The following NSD1 variants were observed in gnomAD, a reference collection of about 807,000 sequenced individuals.
The protein encoded by NSD1 is nuclear receptor binding SET domain protein 1.
Under a neutral mutation model 242.7 loss-of-function variants are expected in NSD1, and 26 were observed. The observed-to-expected ratio is 0.11, with a 90% CI of 0.08 to 0.15. The LOEUF is 0.15. NSD1 is among the 10% of genes least tolerant of loss of function. NSD1 has a pLI of 1.00. For synonymous variants in NSD1, 1,106 were observed against 1,178.1 expected, an observed-to-expected ratio of 0.94 and a Z score of 1.25; for missense variants, 2,495 against 3,272.8, an observed-to-expected ratio of 0.76 and a Z score of 5.80.
At chr5:177,212,226 A>G in intron 5 of NSD1, 31 bp downstream of exon 5, 1 of 1,604,222 alleles carries the variant, frequency 6.2e-7, no homozygotes, top group Non-Finnish European at 8.5e-7. Context: ...TAAAAAAAAA[A>G]AAATTGGAGA....
chr5:177,296,230 G>A lies in NSD1; in HGVS notation c.*771G>A, dbSNP rs1004096331. 4.2e-6 allele frequency: 1 copy of A among 235,718 alleles called. No individual in the cohort carries two copies. Among genetic ancestry groups the A allele is most frequent in the African/African-American group, 2.2e-5 (1 of 45,372 alleles). 14.6% of individuals were successfully genotyped at this position (235,718 alleles called of 1,614,324 possible). A position where few individuals can be genotyped will look rare whatever the true frequency, so the allele number is the denominator to read the frequency against. ...GGGTCGCCGCTGCTGCTTTTGTCTG[G>A]GCTGTGCAGAGTCTCAAGATCAGTC... On this transcript the variant is annotated 3_prime_UTR_variant, in exon 23 of 23. Transcript: ENST00000439151.
At chr5:177,195,524 G>A (rs1053614673) in intron 3 of NSD1, among the ~76,000 whole-genome samples, 3 of 152,124 alleles carry the variant, frequency 2.0e-5, no homozygotes, top group Non-Finnish European at 2.9e-5. Context: ...CTAGAATGCA[G>A]TGGCGTGATC....
intron 2 of NSD1, among the ~76,000 whole-genome samples, chr5:177,173,636 G>T (rs566990814): frequency 6.6e-6 from 1 of 151,978 alleles, no homozygotes; most frequent in Non-Finnish European, 1.5e-5. Context: ...ACCACACCCA[G>T]CTAATTTTGT....
At chr5:177,146,715 A>G (rs1481496377) in intron 2 of NSD1, among the ~76,000 whole-genome samples, 1 of 151,848 alleles carries the variant, frequency 6.6e-6, no homozygotes, top group Non-Finnish European at 1.5e-5. Flanking sequence ...TCAACTTTCT[A>G]AATGTTCGCT....
intron 14 of NSD1, among the ~76,000 whole-genome samples, chr5:177,261,007 C>T (rs1035950467): frequency 1.1e-4 from 17 of 152,102 alleles, no homozygotes; most frequent in African/African-American, 4.1e-4. Flanking sequence ...TATATTTTCT[C>T]ATTGTAAGAA....
intron 9 of NSD1, among the ~76,000 whole-genome samples, chr5:177,246,215 C>T (rs148850115): frequency 3.5e-4 from 53 of 152,154 alleles, no homozygotes; most frequent in African/African-American, 1.2e-3. Flanking sequence ...TGTGATCTGC[C>T]GGCCTCAGCC....
intron 3 of NSD1, among the ~76,000 whole-genome samples, chr5:177,197,661 G>T (rs940797463): frequency 1.3e-5 from 2 of 152,140 alleles, no homozygotes; most frequent in African/African-American, 4.8e-5. Flanking sequence ...TGTAATAAAA[G>T]TTATGGGAAT....
At chr5:177,293,567 T>C (rs956990903) in intron 22 of NSD1, among the ~76,000 whole-genome samples, 1 of 124,304 alleles carries the variant, frequency 8.0e-6, no homozygotes, top group African/African-American at 3.0e-5. Context: ...GAAATAGTCA[T>C]AGAAATACCA....
intron 14 of NSD1, among the ~76,000 whole-genome samples, chr5:177,264,065 C>G (rs1757221766): frequency 1.8e-5 from 1 of 56,484 alleles, no homozygotes. Context: ...GAGATGGAGT[C>G]TGGCTGTGTC....
At chr5:177,173,078 G>A (rs941208655) in intron 2 of NSD1, among the ~76,000 whole-genome samples, 1 of 151,650 alleles carries the variant, frequency 6.6e-6, no homozygotes, top group Non-Finnish European at 1.5e-5. Context: ...CAGATCACGA[G>A]GTCAGGAGAT....
intron 13 of NSD1, among the ~76,000 whole-genome samples, chr5:177,257,665 A>G (rs1314075617): frequency 1.3e-5 from 2 of 152,170 alleles, no homozygotes; most frequent in East Asian, 3.9e-4. Context: ...CAGCCAGGCA[A>G]TGCCAGGGCT....
At chr5:177,236,896 G>C (rs1297166521) in intron 6 of NSD1, among the ~76,000 whole-genome samples, 1 of 152,206 alleles carries the variant, frequency 6.6e-6, no homozygotes, top group Non-Finnish European at 1.5e-5. Context: ...GTGCAGAGAT[G>C]CACGAACACG....
rs747328206 is a variant in NSD1 at position 177,209,776 on chromosome 5, C to T, written c.1377C>T (p.Asp459=). 9.9e-6 allele frequency: 16 copies of T among 1,614,156 alleles called. No homozygotes were observed. The highest frequency in any genetic ancestry group is 6.8e-6 in the Non-Finnish European group (8 of 1,180,018). ...GTGAAGAAGATATGCCATTTGAAGA[C>T]TGCACAAATGATCCTGAGTCAGAAC... is the stretch of plus-strand genomic sequence containing the variant. ...LDSEEDMPFE[D]CTNDPESEHD... The change falls in exon 5 of 23, where the codon GAC becomes GAT. Residue 459 remains aspartate, a synonymous_variant. Coordinates refer to ENST00000439151, the MANE Select transcript of NSD1 (RefSeq NM_022455.5).
At chr5:177,222,572 T>A (rs368484832) in intron 5 of NSD1, among the ~76,000 whole-genome samples, 2 of 152,352 alleles carry the variant, frequency 1.3e-5, no homozygotes, top group South Asian at 2.1e-4. Context: ...GATTTTCATT[T>A]GCATTCCTCT....
intron 5 of NSD1, among the ~76,000 whole-genome samples, chr5:177,224,078 G>C (rs1476451765): frequency 2.0e-5 from 3 of 152,198 alleles, no homozygotes; most frequent in Admixed American, 2.0e-4. Context: ...TAATTTTACT[G>C]TGTTTCTGAA....
chr5:177,154,237 A>C (rs1757947911), intron 2 of NSD1, among the ~76,000 whole-genome samples: 1 of 151,990 alleles, frequency 6.6e-6, no homozygotes, highest in South Asian at 2.1e-4. Flanking sequence ...AGATGCAGTA[A>C]CTTTTTATGA....
At chr5:177,158,981 C>CATATATGAATGATTTTATATATAT (rs1758449378) in intron 2 of NSD1, among the ~76,000 whole-genome samples, 1 of 121,618 alleles carries the variant, frequency 8.2e-6, no homozygotes, top group African/African-American at 4.8e-5. Flanking sequence ...TATATACACA[C>CATATATGAATGATTTTATATATAT]ATATATATGA....
At chr5:177,160,896 G>A (rs1758694652) in intron 2 of NSD1, among the ~76,000 whole-genome samples, 1 of 151,896 alleles carries the variant, frequency 6.6e-6, no homozygotes, top group Admixed American at 6.6e-5. Context: ...AGCCTCCCAA[G>A]TAGCTGGGAC....
intron 4 of NSD1, among the ~76,000 whole-genome samples, chr5:177,209,382 A>G (rs2149841956): frequency 6.6e-6 from 1 of 151,882 alleles, no homozygotes; most frequent in South Asian, 2.1e-4. Flanking sequence ...ACAAAAAATT[A>G]GCTGGGTGTG....
Sources: allele counts gnomAD v4.1 joint callset (sites outside exome capture counted in the v4.1 genomes callset), GRCh38; gene constraint gnomAD v4.1.1; transcripts MANE v1.5; gene names NCBI Gene and HGNC (gene_info 2026-07-23, HGNC 2026-07-21).